Variants in TBC1D21 observed in about 807,000 individuals in gnomAD.
TBC1D21 encodes TBC1 domain family member 21.
In TBC1D21, 38 loss-of-function variants were observed where a neutral mutation model predicts 46.0. The ratio of observed to expected loss-of-function variants is 0.83; its 90% CI spans 0.64 to 1.08. The LOEUF is 1.08. Ranked by LOEUF, TBC1D21 falls within the 50% of genes least tolerant of loss-of-function variation. The pLI is 0.00. For synonymous variants in TBC1D21, 151 were observed against 157.2 expected (o/e 0.96, Z 0.29); for missense variants, 415 against 417.9 (o/e 0.99, Z 0.06).
rs761394450 is a variant in TBC1D21, at chr15:73,881,594, T to C, written c.169-50T>C. 9 of 1,603,526 alleles carry C rather than the reference T, an allele frequency of 5.6e-6. No homozygotes were observed. The East Asian group carries it at 1.1e-4, about 20-fold the overall frequency. On this transcript the variant is annotated intron_variant, in intron 2 of 10. Transcript: ENST00000300504. ...GGTGTGGCGTTGGATGAAGCCCTTT[T>C]GGTAGGCATCGATAGAGCCCATGAC...
At chr15:73,890,993 T>A (rs978312020), downstream of TBC1D21, among the ~76,000 whole-genome samples, 14 of 152,210 alleles carry the variant, frequency 9.2e-5, no homozygotes, top group African/African-American at 3.1e-4. Flanking sequence ...GATTCAATCT[T>A]GACACCAAAT....
the TBC1D21 span, among the ~76,000 whole-genome samples, chr15:73,898,344 G>A: frequency 1.3e-5 from 2 of 152,284 alleles, no homozygotes; most frequent in South Asian, 2.1e-4. Flanking sequence ...GGCCTCCTCC[G>A]TTTCCTCAAC....
the TBC1D21 span, among the ~76,000 whole-genome samples, chr15:73,909,072 A>T: frequency 1.8e-4 from 28 of 152,194 alleles, no homozygotes; most frequent in African/African-American, 6.8e-4. Flanking sequence ...GTCAGGATGA[A>T]ATAAAAATCC....
intron 1 of TBC1D21, among the ~76,000 whole-genome samples, chr15:73,874,930 T>C (rs1035951392): frequency 1.3e-5 from 2 of 152,188 alleles, no homozygotes; most frequent in Non-Finnish European, 2.9e-5. Context: ...GAGTCTATCT[T>C]GTCCTCAGGT....
chr15:73,878,068 C>T (rs2068096664), intron 1 of TBC1D21, among the ~76,000 whole-genome samples: 1 of 152,080 alleles, frequency 6.6e-6, no homozygotes, highest in Non-Finnish European at 1.5e-5. Context: ...CTAGCCAGTG[C>T]AGTAAAACAA....
At chr15:73,895,117 G>A in the TBC1D21 span, among the ~76,000 whole-genome samples, 1 of 152,150 alleles carries the variant, frequency 6.6e-6, no homozygotes, top group Non-Finnish European at 1.5e-5. Context: ...CTAGGGGTGG[G>A]GCCAGGGCAC....
intron 6 of TBC1D21, among the ~76,000 whole-genome samples, chr15:73,885,613 G>A (rs2068230675): frequency 6.6e-6 from 1 of 151,974 alleles, no homozygotes; most frequent in African/African-American, 2.4e-5. Flanking sequence ...CACCTCCCTG[G>A]AAAGCCTTTC....
chr15:73,876,741 A>C (rs985247532), intron 1 of TBC1D21, among the ~76,000 whole-genome samples: 3 of 151,938 alleles, frequency 2.0e-5, no homozygotes, highest in Non-Finnish European at 4.4e-5. Flanking sequence ...TTTAATTTCA[A>C]TATTACCTCT....
In TBC1D21 at chr15:73,873,672, A is replaced by AT; in HGVS notation, c.-38_-37insT. On this transcript the variant is annotated 5_prime_UTR_variant, in exon 1 of 11. It adds an upstream start codon to the 5' untranslated region. Transcript: ENST00000300504. ...TTAAGCATCACTAGGGCTCCAAGTG[A>AT]GTTCTGATCAGAGGCTGTTCGGAAG... 1 of 1,582,900 alleles carries AT rather than the reference A, an allele frequency of 6.3e-7. No individual in the cohort carries two copies. The highest frequency in any genetic ancestry group is 1.7e-5 in the Admixed American group (1 of 57,356).
chr15:73,898,889 A>G, the TBC1D21 span, among the ~76,000 whole-genome samples: 2 of 122,684 alleles, frequency 1.6e-5, no homozygotes, highest in African/African-American at 5.7e-5. Context: ...AAATATATAT[A>G]TATATATATA....
At chr15:73,898,880 A>AAAATAT in the TBC1D21 span, among the ~76,000 whole-genome samples, 1 of 56,778 alleles carries the variant, frequency 1.8e-5, no homozygotes, top group Non-Finnish European at 3.8e-5. Flanking sequence ...AAAAAAAAAA[A>AAAATAT]ATATATATAT....
At chr15:73,881,553 G>T in intron 2 of TBC1D21, 47 bp downstream of exon 2, 2 of 1,603,384 alleles carry the variant, frequency 1.2e-6, no homozygotes, top group Non-Finnish European at 1.7e-6. Flanking sequence ...CTGGGAGCAT[G>T]GATGGGCAGG....
chr15:73,898,892 T>G, the TBC1D21 span, among the ~76,000 whole-genome samples: 2 of 119,438 alleles, frequency 1.7e-5, no homozygotes, highest in African/African-American at 5.8e-5. Flanking sequence ...TATATATATA[T>G]ATATATATAT....
At chr15:73,909,829 G>A in the TBC1D21 span, 1 of 152,086 alleles carries the variant, frequency 6.6e-6, no homozygotes, top group Non-Finnish European at 1.5e-5. Flanking sequence ...AGTCTTCTGG[G>A]AAAAGAACAA....
At chr15:73,886,225 G>A (rs1239477768) in intron 7 of TBC1D21, 51 bp downstream of exon 7, 9 of 1,532,686 alleles carry the variant, frequency 5.9e-6, no homozygotes, top group Non-Finnish European at 8.1e-6. Flanking sequence ...GGCATGGGAA[G>A]GGGGCTGGGA....
chr15:73,877,734 T>A (rs1337299406), intron 1 of TBC1D21, among the ~76,000 whole-genome samples: 1 of 152,234 alleles, frequency 6.6e-6, no homozygotes, highest in Non-Finnish European at 1.5e-5. Flanking sequence ...AAGTGGGGCT[T>A]ATCCCAGGAA....
chr15:73,884,335 TC>T, intron 4 of TBC1D21, 90 bp downstream of exon 4: 1 of 1,222,666 alleles, frequency 8.2e-7, no homozygotes, highest in Non-Finnish European at 1.2e-6. Flanking sequence ...GAGGGATGGC[TC>T]CAGGATCCTG....
rs566284105 is a variant in TBC1D21, at chr15:73,883,650, C to T, written c.273-501C>T. Among the ~76,000 whole-genome samples the T allele has an allele frequency of 3.9e-5, 6 of 152,366 alleles. No homozygotes were observed. The South Asian group carries it at 1.0e-3, about 26-fold the overall frequency. On this transcript the variant is annotated intron_variant, in intron 3 of 10. Transcript: ENST00000300504. ...AAGACTCTTTTCCCCCACATGGTTA[C>T]ATTCACAGGTCCTAGGGGTTAGGAC... is the stretch of plus-strand genomic sequence containing the variant.
chr15:73,898,880 A>ATATATATATAT, the TBC1D21 span, among the ~76,000 whole-genome samples: 3 of 56,804 alleles, frequency 5.3e-5, no homozygotes, highest in South Asian at 1.2e-3. Context: ...AAAAAAAAAA[A>ATATATATATAT]ATATATATAT....
Sources: gnomAD v4.1 joint callset for allele counts (sites outside exome capture counted in the v4.1 genomes callset) on GRCh38, gnomAD v4.1.1 for gene constraint, MANE v1.5 for transcripts, NCBI Gene and HGNC (gene_info 2026-07-23, HGNC 2026-07-21) for gene names.